MLLT10: variants seen among roughly 807,000 people sequenced by gnomAD.
The protein encoded by MLLT10 is MLLT10 histone lysine methyltransferase DOT1L cofactor, also known as protein AF-10.
In MLLT10, 30 loss-of-function variants were observed where a neutral mutation model predicts 129.1. The ratio of observed to expected loss-of-function variants is 0.23; its 90% CI spans 0.17 to 0.32. The LOEUF is 0.32. Ranked by LOEUF, MLLT10 falls within the 10% of genes least tolerant of loss-of-function variation. MLLT10 has a pLI of 1.00. For synonymous variants in MLLT10, 490 were observed against 446.4 expected (o/e 1.10, Z -1.23); for missense variants, 1,119 against 1,268.3 (o/e 0.88, Z 1.79).
chr10:21,669,255 G>A (rs892611568), intron 9 of MLLT10, among the ~76,000 whole-genome samples: 1 of 152,088 alleles, frequency 6.6e-6, no homozygotes, highest in Non-Finnish European at 1.5e-5. Context: ...GGGGGCTGGG[G>A]ATGGCAACAG....
chr10:21,658,714 G>A (rs1171711498), intron 9 of MLLT10, among the ~76,000 whole-genome samples: 3 of 152,142 alleles, frequency 2.0e-5, no homozygotes, highest in African/African-American at 7.2e-5. Context: ...GCCCAGGCTG[G>A]AGTGCAGTGG....
intron 13 of MLLT10, among the ~76,000 whole-genome samples, chr10:21,691,145 C>T (rs2053811724): frequency 6.6e-6 from 1 of 152,136 alleles, no homozygotes; most frequent in Admixed American, 6.5e-5. Context: ...TAAATATTAT[C>T]ATCATCTTGA....
intron 8 of MLLT10, among the ~76,000 whole-genome samples, chr10:21,647,581 G>C (rs897974486): frequency 6.6e-6 from 1 of 151,864 alleles, no homozygotes; most frequent in African/African-American, 2.4e-5. Flanking sequence ...ATTAGATCTT[G>C]TCATTAAAAA....
chr10:21,572,655 CTG>C (rs1426739559), intron 3 of MLLT10, among the ~76,000 whole-genome samples: 1 of 151,374 alleles, frequency 6.6e-6, no homozygotes, highest in African/African-American at 2.4e-5. Context: ...GAGTCTTACT[CTG>C]TTGCCTCGCT....
intron 3 of MLLT10, among the ~76,000 whole-genome samples, chr10:21,555,064 AC>A (rs2037711485): frequency 6.7e-6 from 1 of 148,262 alleles, no homozygotes; most frequent in Admixed American, 6.7e-5. Context: ...CAGGTGATCC[AC>A]CCGCCTTGGC....
intron 5 of MLLT10, among the ~76,000 whole-genome samples, chr10:21,603,741 C>G (rs2043785171): frequency 6.6e-6 from 1 of 151,952 alleles, no homozygotes; most frequent in Non-Finnish European, 1.5e-5. Flanking sequence ...CTGGGTGGAT[C>G]CTTTTGAGAA....
At chr10:21,626,123 T>A in intron 8 of MLLT10, 1 of 1,610,204 alleles carries the variant, frequency 6.2e-7, no homozygotes, top group Non-Finnish European at 8.5e-7. Context: ...TTTCTCTCTC[T>A]GCCTGTAGGT....
intron 6 of MLLT10, among the ~76,000 whole-genome samples, chr10:21,613,127 G>A (rs938793698): frequency 6.9e-6 from 1 of 145,972 alleles, no homozygotes; most frequent in South Asian, 2.2e-4. Flanking sequence ...CTGGGAGGTG[G>A]AGTTTGCAGT....
intron 11 of MLLT10, among the ~76,000 whole-genome samples, chr10:21,676,234 G>C (rs951248607): frequency 6.6e-6 from 1 of 151,908 alleles, no homozygotes; most frequent in African/African-American, 2.4e-5. Context: ...TGGAGACCAC[G>C]GTGAAACCCT....
intron 3 of MLLT10, among the ~76,000 whole-genome samples, chr10:21,544,503 A>C (rs1471820438): frequency 1.3e-5 from 2 of 152,172 alleles, no homozygotes; most frequent in Non-Finnish European, 2.9e-5. Flanking sequence ...ACAGATACCG[A>C]ACAGTAAAGA....
At chr10:21,730,816 A>T in intron 16 of MLLT10, 84 bp from the exon 17 acceptor site, 2 of 1,461,076 alleles carry the variant, frequency 1.4e-6, no homozygotes, top group Non-Finnish European at 1.9e-6. Context: ...CTCATACAGG[A>T]GAAAAGGGGT....
intron 3 of MLLT10, among the ~76,000 whole-genome samples, chr10:21,548,390 T>G (rs2036445579): frequency 1.3e-5 from 2 of 151,736 alleles, no homozygotes; most frequent in Admixed American, 6.6e-5. Flanking sequence ...TTTTTTTTTT[T>G]TGAGACGGAG....
chr10:21,735,024 C>A, intron 20 of MLLT10, 115 bp from the exon 21 acceptor site: 1 of 711,770 alleles, frequency 1.4e-6, no homozygotes, highest in South Asian at 1.8e-5. Flanking sequence ...TGTTTGGATT[C>A]AGAATTGTAC....
chr10:21,665,673 T>G (rs1274441422), intron 9 of MLLT10, among the ~76,000 whole-genome samples: 2 of 152,136 alleles, frequency 1.3e-5, no homozygotes, highest in African/African-American at 2.4e-5. Flanking sequence ...ATTGGGGTGT[T>G]TAGAGAATTT....
chr10:21,552,849 G>T (rs1179174991), intron 3 of MLLT10, among the ~76,000 whole-genome samples: 4 of 149,448 alleles, frequency 2.7e-5, no homozygotes, highest in African/African-American at 9.9e-5. Flanking sequence ...ATTCTTCTCT[G>T]TTCCTCCTTG....
intron 8 of MLLT10, chr10:21,626,432 G>C: frequency 1.6e-6 from 1 of 607,124 alleles, no homozygotes; most frequent in East Asian, 2.7e-5. Context: ...AAGCAGGTAC[G>C]TGTGCAGAAC....
intron 3 of MLLT10, among the ~76,000 whole-genome samples, chr10:21,547,586 T>C (rs2036300601): frequency 6.6e-6 from 1 of 151,188 alleles, no homozygotes; most frequent in Admixed American, 6.6e-5. Flanking sequence ...AGTAGTGTGA[T>C]CTCGGCTCAC....
chr10:21,717,575 C>T (rs1217887012), intron 14 of MLLT10, among the ~76,000 whole-genome samples: 1 of 117,788 alleles, frequency 8.5e-6, no homozygotes, highest in Non-Finnish European at 1.7e-5. Context: ...TCCTCTTCCT[C>T]TTCTTTCTTC....
chr10:21,587,398 G>C (rs1253548317), intron 4 of MLLT10, among the ~76,000 whole-genome samples: 1 of 142,764 alleles, frequency 7.0e-6, no homozygotes, highest in Admixed American at 7.3e-5. Context: ...CAGTCCCTGG[G>C]ATGGGTGAGA....
Sources: allele counts gnomAD v4.1 joint callset (sites outside exome capture counted in the v4.1 genomes callset), GRCh38; gene constraint gnomAD v4.1.1; transcripts MANE v1.5; gene names NCBI Gene and HGNC (gene_info 2026-07-23, HGNC 2026-07-21).